DISC1: variants seen among roughly 807,000 people sequenced by gnomAD.
DISC1 encodes the protein disrupted in schizophrenia 1 protein.
DISC1 carries 57 observed loss-of-function variants against 84.5 expected under a neutral mutation model. The ratio of observed to expected loss-of-function variants is 0.67; its 90% confidence interval spans 0.55 to 0.84. The LOEUF is 0.84. Ranked by LOEUF, DISC1 falls within the 40% of genes least tolerant of loss-of-function variation. The pLI is 0.00. For missense variants in DISC1, 1,000 were observed against 1,057.8 expected (o/e 0.95, Z 0.76); for synonymous variants, 411 against 415.2 (o/e 0.99, Z 0.12).
chr1:231,773,583 A>T (rs1269717678), intron 6 of DISC1, among the ~76,000 whole-genome samples: 1 of 152,056 alleles, frequency 6.6e-6, no homozygotes, highest in East Asian at 1.9e-4. Context: ...ACAGGGTTTC[A>T]CCATGTTAGC....
chr1:231,909,295 T>C (rs1217831999), intron 9 of DISC1, among the ~76,000 whole-genome samples: 1 of 152,226 alleles, frequency 6.6e-6, no homozygotes, highest in Non-Finnish European at 1.5e-5. Context: ...CAGTATGATA[T>C]TGGCTGTGGG....
chr1:231,921,944 G>A (rs148203875), intron 9 of DISC1, among the ~76,000 whole-genome samples: 3 of 150,388 alleles, frequency 2.0e-5, no homozygotes, highest in Non-Finnish European at 4.4e-5. Context: ...TATTCATCTT[G>A]CATAACTGAA....
intron 4 of DISC1, among the ~76,000 whole-genome samples, chr1:231,759,552 C>CAA (rs1359575315): frequency 4.7e-5 from 3 of 64,336 alleles, no homozygotes; most frequent in Non-Finnish European, 9.1e-5. Context: ...AAAAAAAAAA[C>CAA]AAAACTAGCC....
chr1:231,997,773 A>AC (rs951501773), intron 10 of DISC1, among the ~76,000 whole-genome samples: 9 of 152,210 alleles, frequency 5.9e-5, no homozygotes, highest in Admixed American at 5.9e-4. Flanking sequence ...GCACCCTCCT[A>AC]CCACCTGAAC....
chr1:231,943,154 G>A (rs1376516775), intron 9 of DISC1, among the ~76,000 whole-genome samples: 1 of 152,236 alleles, frequency 6.6e-6, no homozygotes, highest in Non-Finnish European at 1.5e-5. Flanking sequence ...AATATAGCAT[G>A]TTCTATTGTC....
chr1:231,880,458 A>G (rs1358877823), intron 9 of DISC1, among the ~76,000 whole-genome samples: 1 of 152,212 alleles, frequency 6.6e-6, no homozygotes, highest in Non-Finnish European at 1.5e-5. Context: ...GAGAGCAGTT[A>G]TTCAAATTAA....
intron 9 of DISC1, among the ~76,000 whole-genome samples, chr1:231,829,845 G>C (rs566824407): frequency 3.4e-5 from 5 of 147,710 alleles, no homozygotes; most frequent in South Asian, 4.3e-4. Flanking sequence ...TCAAAGGGGG[G>C]TTGTTCTCTG....
intron 9 of DISC1, among the ~76,000 whole-genome samples, chr1:231,868,785 T>C (rs1171869157): frequency 6.8e-6 from 1 of 147,332 alleles, no homozygotes; most frequent in Non-Finnish European, 1.5e-5. Context: ...CTCAGGAGGC[T>C]AAGGCAGGCG....
At chr1:231,670,480 G>C in intron 1 of DISC1, among the ~76,000 whole-genome samples, 1 of 152,226 alleles carries the variant, frequency 6.6e-6, no homozygotes, top group Non-Finnish European at 1.5e-5. Context: ...TGAGCCTTAA[G>C]GTGTTCCACC....
chr1:231,775,821 T>G (rs1472566102), intron 6 of DISC1, among the ~76,000 whole-genome samples: 1 of 152,140 alleles, frequency 6.6e-6, no homozygotes, highest in African/African-American at 2.4e-5. Context: ...AAGAACCACT[T>G]TTACCCAGTG....
chr1:231,851,741 A>G (rs1574262595), intron 9 of DISC1, among the ~76,000 whole-genome samples: 1 of 152,350 alleles, frequency 6.6e-6, no homozygotes, highest in South Asian at 2.1e-4. Flanking sequence ...GCTGGTCTTC[A>G]TGTGGGCCAG....
chr1:232,026,135 G>A (rs1175912315), intron 11 of DISC1, among the ~76,000 whole-genome samples: 3 of 152,114 alleles, frequency 2.0e-5, no homozygotes, highest in Non-Finnish European at 4.4e-5. Flanking sequence ...GATACAGCTG[G>A]AAGATTCAGG....
At chr1:231,955,841 C>T (rs999790980) in intron 9 of DISC1, among the ~76,000 whole-genome samples, 2 of 152,152 alleles carry the variant, frequency 1.3e-5, no homozygotes, top group Admixed American at 6.5e-5. Context: ...AAGCTATTGT[C>T]TCTACCTTTA....
chr1:231,987,081 G>A lies in DISC1; in HGVS notation c.2043-21704G>A, dbSNP rs142148389. Among the ~76,000 whole-genome samples the A allele has an allele frequency of 3.0e-3, 458 of 152,260 alleles. 2 individuals carry two copies. Among genetic ancestry groups the A allele is most frequent in the African/African-American group, 0.011 (437 of 41,544 alleles). ...GCGGTTGTGCAATCGTTCTCCCTAC[G>A]TCAACTCTGAGAAGTCGGTTGTGCC... is the stretch of plus-strand genomic sequence containing the variant. On this transcript the variant is annotated intron_variant, in intron 10 of 12. Coordinates refer to ENST00000439617, the MANE Select transcript of DISC1 (RefSeq NM_018662.3).
rs185122748 is a variant in DISC1, at chr1:231,748,316, T to A, written c.1118-1610T>A. Among the ~76,000 whole-genome samples, 505 of 152,334 alleles carry A rather than the reference T, an allele frequency of 3.3e-3. 2 individuals carry two copies. The highest frequency in any genetic ancestry group is 0.012 in the African/African-American group (480 of 41,588). On this transcript the variant is annotated intron_variant, in intron 3 of 12. Transcript: ENST00000439617. Reference sequence around the variant, plus strand: ...AGTTGGGCATCCTTGTGCTGTTCCATTTATTAGAGGAAAAGCTTTCAGCAT... The same window carrying A: ...AGTTGGGCATCCTTGTGCTGTTCCAATTATTAGAGGAAAAGCTTTCAGCAT...
chr1:231,917,425 T>C (rs1276264668), intron 9 of DISC1, among the ~76,000 whole-genome samples: 1 of 152,246 alleles, frequency 6.6e-6, no homozygotes, highest in Non-Finnish European at 1.5e-5. Flanking sequence ...CGATCACTCT[T>C]ATATTTGGGG....
chr1:231,637,483 T>TC (rs2059296491), intron 1 of DISC1, among the ~76,000 whole-genome samples: 1 of 152,244 alleles, frequency 6.6e-6, no homozygotes, highest in Non-Finnish European at 1.5e-5. Flanking sequence ...TAATTTCTCA[T>TC]CCTTCACTCC....
chr1:231,922,032 A>G (rs1051375267), intron 9 of DISC1, among the ~76,000 whole-genome samples: 21 of 152,154 alleles, frequency 1.4e-4, no homozygotes, highest in Admixed American at 1.2e-3. Context: ...GATAATTTCT[A>G]CATGATTGAG....
intron 9 of DISC1, among the ~76,000 whole-genome samples, chr1:231,832,542 T>C (rs530763591): frequency 6.6e-6 from 1 of 151,772 alleles, no homozygotes; most frequent in Non-Finnish European, 1.5e-5. Context: ...AATTTGGACT[T>C]GACTGAAGTA....
Sources: allele counts gnomAD v4.1 joint callset (sites outside exome capture counted in the v4.1 genomes callset), GRCh38; gene constraint gnomAD v4.1.1; transcripts MANE v1.5; gene names NCBI Gene and HGNC (gene_info 2026-07-23, HGNC 2026-07-21).